The following NPHS1 variants were observed in gnomAD, a reference collection of about 807,000 sequenced individuals.
NPHS1 encodes NPHS1 adhesion molecule, nephrin.
NPHS1 carries 107 observed loss-of-function variants against 139.7 expected under a neutral mutation model. The observed-to-expected ratio is 0.77, with a 90% confidence interval of 0.66 to 0.90. The LOEUF is 0.90. NPHS1 is among the 40% of genes least tolerant of loss of function. The pLI is 0.00. For missense variants in NPHS1, 1,580 were observed against 1,654.2 expected, an observed-to-expected ratio of 0.96 and a Z score of 0.78; for synonymous variants, 707 against 706.6, an observed-to-expected ratio of 1.00 and a Z score of -0.01.
In NPHS1 at chr19:35,845,863, G is replaced by C; in HGVS notation, c.1628-65C>G. 1.3e-6 allele frequency: 2 copies of C among 1,579,846 alleles called. No individual in the cohort carries two copies. Among genetic ancestry groups the C allele is most frequent in the Non-Finnish European group, 1.7e-6 (2 of 1,160,154 alleles). On this transcript the variant is annotated intron_variant, in intron 12 of 28. Transcript: ENST00000378910. This position sits in a 1 kb window ranked among gnomAD's most constrained non-coding sequence, Gnocchi z 5.5. ...GGGCGGCCTGGTCTGCGTCCACCCCGCCTGCACCCCAGGCTCCGCCCAGTC... is the reference window on the plus strand; with the variant it reads ...GGGCGGCCTGGTCTGCGTCCACCCCCCCTGCACCCCAGGCTCCGCCCAGTC...
At chr19:35,843,640 T>C in intron 16 of NPHS1, 47 bp from the exon 17 acceptor site, 2 of 1,608,068 alleles carry the variant, frequency 1.2e-6, no homozygotes, top group Non-Finnish European at 1.7e-6. Context: ...CCCAGACAGG[T>C]CTGGGTGTGA....
Position 35,851,921 on chromosome 19 carries a change from T to A in NPHS1, c.-84A>T, listed in dbSNP as rs545172218. The A allele has an allele frequency of 1.5e-5, 18 of 1,168,312 alleles. No individual in the cohort carries two copies. The Admixed American group carries it at 1.6e-4, about 10-fold the overall frequency. The allele number at this position is 1,168,312 out of a possible 1,614,324, so 72.4% of individuals were successfully genotyped here. On this transcript the variant is annotated 5_prime_UTR_variant, in exon 1 of 29. Coordinates refer to ENST00000378910, the MANE Select transcript of NPHS1 (RefSeq NM_004646.4). ...GGCTTTCTCTGGGTCCCTCTCTGTGTGTCTCTGCCACCTGCTTTTCTTTTT... is the reference window on the plus strand; with the variant it reads ...GGCTTTCTCTGGGTCCCTCTCTGTGAGTCTCTGCCACCTGCTTTTCTTTTT...
chr19:35,841,232 G>A (rs991591631), intron 20 of NPHS1, among the ~76,000 whole-genome samples: 8 of 151,972 alleles, frequency 5.3e-5, no homozygotes, highest in Non-Finnish European at 1.0e-4. Flanking sequence ...AATTAGCTGG[G>A]TGTGGTGGCG....
Position 35,831,104 on chromosome 19 carries a change from C to T in NPHS1, c.3430G>A (p.Asp1144Asn), listed in dbSNP as rs1972874294. The T allele has an allele frequency of 3.1e-6, 5 of 1,614,112 alleles. No individual in the cohort carries two copies. In the South Asian group the frequency reaches 4.4e-5, roughly 14 times the overall value. ...GTCGGGGGCAGCTGGGGGCTGAAGT[C>T]CCTCAGGGAGCGGTAATACGGCTCT... is the stretch of plus-strand genomic sequence containing the variant. ...EAEPYYRSLRDFSPQLPPTQE... is the reference protein window; with the variant it reads ...EAEPYYRSLRNFSPQLPPTQE... Residue 1144 changes from aspartate to asparagine, a missense_variant, in exon 27 of 29, where the codon GAC becomes AAC. Physicochemically the swap from Asp to Asn is conservative, Grantham distance 23. Coordinates refer to ENST00000378910, the MANE Select transcript of NPHS1 (RefSeq NM_004646.4).
chr19:35,841,992 A>T (rs1441498525), intron 19 of NPHS1, 126 bp from the exon 20 acceptor site: 1 of 1,403,198 alleles, frequency 7.1e-7, no homozygotes, highest in Non-Finnish European at 9.9e-7. Context: ...TTATCTTTTC[A>T]TCCACTCAAC....
chr19:35,850,240 G>A lies in NPHS1; in HGVS notation c.608+124C>T, dbSNP rs115022560. The stretch of plus-strand genomic sequence containing the variant: ...CCCCATGAAGAAGCTTTGAGAGTCA[G>A]GATGAAGAATTGGGTCCCAGATGTT... On this transcript the variant is annotated intron_variant, in intron 5 of 28. Coordinates refer to ENST00000378910, the MANE Select transcript of NPHS1 (RefSeq NM_004646.4). 898 of 762,862 alleles carry A rather than the reference G, an allele frequency of 1.2e-3. 6 individuals are homozygous for A. In the African/African-American group the frequency reaches 0.012, roughly 10 times the overall value. 47.3% of individuals were successfully genotyped at this position (762,862 alleles called of 1,614,324 possible).
intron 14 of NPHS1, among the ~76,000 whole-genome samples, chr19:35,844,708 G>A (rs1973110972): frequency 6.6e-6 from 1 of 152,162 alleles, no homozygotes; most frequent in Non-Finnish European, 1.5e-5. Context: ...AGGGGGGTTA[G>A]GAGAGAGGAC....
intron 23 of NPHS1, among the ~76,000 whole-genome samples, chr19:35,834,735 C>CA (rs751609532): frequency 1.1e-4 from 16 of 151,508 alleles, no homozygotes; most frequent in South Asian, 2.1e-4. Context: ...ACTAAAAATA[C>CA]AAAAAATTAG....
chr19:35,850,924 C>A, intron 4 of NPHS1, 37 bp downstream of exon 4: 1 of 1,612,700 alleles, frequency 6.2e-7, no homozygotes, highest in Non-Finnish European at 8.5e-7. Context: ...CCAGAGGCTT[C>A]ATGCTGCCCC....
intron 10 of NPHS1, 27 bp downstream of exon 10, chr19:35,848,226 C>A (rs377591671): frequency 7.9e-5 from 128 of 1,613,976 alleles, no homozygotes; most frequent in Non-Finnish European, 1.1e-4. Context: ...GGCTTGGGGG[C>A]ATTGCTGGGC....
intron 17 of NPHS1, among the ~76,000 whole-genome samples, chr19:35,842,979 G>A (rs942348295): frequency 6.6e-6 from 1 of 151,906 alleles, no homozygotes; most frequent in African/African-American, 2.4e-5. Context: ...ATAAATACAT[G>A]CATCTGTTCA....
chr19:35,828,852 G>T (rs899920039), intron 28 of NPHS1, among the ~76,000 whole-genome samples: 3 of 152,238 alleles, frequency 2.0e-5, no homozygotes, highest in Non-Finnish European at 2.9e-5. Context: ...GAGTGCATAT[G>T]GTCCAGCACC....
At chr19:35,836,995 C>CAA (rs1187182464) in intron 22 of NPHS1, among the ~76,000 whole-genome samples, 8 of 37,606 alleles carry the variant, frequency 2.1e-4, no homozygotes, top group South Asian at 8.1e-4. Context: ...GATTCCATTG[C>CAA]AAAAAAAAAA....
Position 35,839,494 on chromosome 19 carries a change from A to G in NPHS1, c.2927+2T>C, listed in dbSNP as rs1973023048. On this transcript the variant is annotated splice_donor_variant, in intron 21 of 28. Transcript: ENST00000378910. LOFTEE classifies it high-confidence loss of function. ...TTCCCTCCTGCCTCGACAAGGACCC[A>G]CCTGATGCAGAACCTCTGTGGCAGG... The G allele has an allele frequency of 6.2e-7, 1 of 1,613,846 alleles. No individual in the cohort carries two copies. Among genetic ancestry groups the G allele is most frequent in the Non-Finnish European group, 8.5e-7 (1 of 1,179,886 alleles).
At position 35,830,252 on chromosome 19, in the gene NPHS1, G is replaced by A. The variant is rs373508399; in HGVS notation, c.3594+592C>T. Among the ~76,000 whole-genome samples the A allele has an allele frequency of 7.5e-4, 114 of 152,334 alleles. 2 individuals carry two copies. In the South Asian group the frequency reaches 0.016, roughly 22 times the overall value. On this transcript the variant is annotated intron_variant, in intron 28 of 28. Coordinates refer to ENST00000378910, the MANE Select transcript of NPHS1 (RefSeq NM_004646.4). ...CCACCAGGGGAGTGAGAGCAGAGTG[G>A]TGTGCACCATTTCTGGGCCTGGGCC...
intron 28 of NPHS1, among the ~76,000 whole-genome samples, chr19:35,829,609 G>C (rs1444837689): frequency 2.0e-5 from 3 of 152,034 alleles, no homozygotes; most frequent in South Asian, 2.1e-4. Flanking sequence ...CATGATCTCG[G>C]CTCACTGCAA....
chr19:35,840,013 C>CT (rs1365259198), intron 20 of NPHS1, among the ~76,000 whole-genome samples: 2 of 128,446 alleles, frequency 1.6e-5, no homozygotes, highest in East Asian at 2.4e-4. Flanking sequence ...TTTTTTTTTT[C>CT]TTTTTTTTTA....
chr19:35,850,890 T>A, intron 4 of NPHS1, 71 bp downstream of exon 4: 1 of 1,586,254 alleles, frequency 6.3e-7, no homozygotes, highest in South Asian at 1.1e-5. Context: ...AGGGTACTGG[T>A]CAGGAACACA....
chr19:35,849,987 C>T (rs985575474), intron 5 of NPHS1, among the ~76,000 whole-genome samples: 1 of 152,186 alleles, frequency 6.6e-6, no homozygotes, highest in Admixed American at 6.5e-5. Flanking sequence ...ACAATCTCAG[C>T]TCACTGCAAC....
Sources: gnomAD v4.1 joint callset for allele counts (sites outside exome capture counted in the v4.1 genomes callset) on GRCh38, gnomAD v4.1.1 for gene constraint, Gnocchi (gnomAD v3.1) non-coding constraint, MANE v1.5 for transcripts, NCBI Gene and HGNC (gene_info 2026-07-23, HGNC 2026-07-21) for gene names.